The following DLGAP2 variants were observed in gnomAD, a reference collection of about 807,000 sequenced individuals.
The protein encoded by DLGAP2 is disks large-associated protein 2.
Under a neutral mutation model 100.3 loss-of-function variants are expected in DLGAP2, and 26 were observed. The observed-to-expected ratio is 0.26, with a 90% CI of 0.19 to 0.36. The LOEUF is 0.36. Ranked by LOEUF, DLGAP2 falls within the 10% of genes least tolerant of loss-of-function variation. The probability of loss-of-function intolerance (pLI) is 1.00; values close to 1 mark genes in which losing one functional copy is unlikely to be tolerated. For missense variants in DLGAP2, 1,858 were observed against 1,453.2 expected (o/e 1.28, Z -4.53); for synonymous variants, 886 against 630.1 (o/e 1.41, Z -6.08).
chr8:1,223,256 C>A (rs1386556047), intron 2 of DLGAP2, among the ~76,000 whole-genome samples: 1 of 152,172 alleles, frequency 6.6e-6, no homozygotes, highest in African/African-American at 2.4e-5. Flanking sequence ...GATCTGTGTC[C>A]TCACTGTCCA....
intron 6 of DLGAP2, among the ~76,000 whole-genome samples, chr8:1,585,397 G>T (rs1796085931): frequency 6.6e-6 from 1 of 152,174 alleles, no homozygotes; most frequent in Admixed American, 6.5e-5. Context: ...CTGGGAGGCG[G>T]AGGTTGCAGT....
chr8:1,139,211 G>A (rs1038974582), intron 2 of DLGAP2, among the ~76,000 whole-genome samples: 2 of 152,172 alleles, frequency 1.3e-5, no homozygotes, highest in African/African-American at 4.8e-5. Context: ...CAGGGCGGGG[G>A]GAGCTCCCAG....
chr8:1,635,618 C>T (rs1023785286), intron 8 of DLGAP2, among the ~76,000 whole-genome samples: 7 of 152,148 alleles, frequency 4.6e-5, no homozygotes, highest in African/African-American at 1.7e-4. Context: ...TTTTTGAAAA[C>T]ATTCCAAAGT....
chr8:750,583 A>C (rs1045821120), intron 1 of DLGAP2, among the ~76,000 whole-genome samples: 2 of 152,238 alleles, frequency 1.3e-5, no homozygotes, highest in African/African-American at 4.8e-5. Context: ...AACAGAAAAC[A>C]TGACTTTTAA....
At chr8:1,054,946 C>G (rs1008589324) in intron 2 of DLGAP2, among the ~76,000 whole-genome samples, 2 of 152,146 alleles carry the variant, frequency 1.3e-5, no homozygotes, top group African/African-American at 4.8e-5. Context: ...CAGTGGCACA[C>G]AAAAATAGTT....
At chr8:738,149 G>T (rs866208278) in intron 1 of DLGAP2, 15 of 198,722 alleles carry the variant, frequency 7.5e-5, no homozygotes, top group Middle Eastern at 1.8e-3. Context: ...CCTGCCCGGG[G>T]TGGAGGGGGC....
intron 4 of DLGAP2, among the ~76,000 whole-genome samples, chr8:1,509,790 C>T (rs1209863469): frequency 1.3e-5 from 2 of 152,162 alleles, no homozygotes; most frequent in Non-Finnish European, 2.9e-5. Context: ...CAAGGTGTGG[C>T]TCACAGCAAG....
chr8:878,243 T>C (rs992042329), intron 1 of DLGAP2, among the ~76,000 whole-genome samples: 9 of 152,132 alleles, frequency 5.9e-5, no homozygotes, highest in African/African-American at 2.2e-4. Context: ...GAATAATTAA[T>C]AGAAACAAAT....
intron 3 of DLGAP2, among the ~76,000 whole-genome samples, chr8:1,416,636 A>G (rs4347017): frequency 0.62 from 94,595 of 151,626 alleles, 29,910 homozygotes; most frequent in East Asian, 0.82. Context: ...ACATAGAAAT[A>G]TCAACATGGA....
At chr8:748,161 GGT>G (rs1820694960) in intron 1 of DLGAP2, among the ~76,000 whole-genome samples, 1 of 70,254 alleles carries the variant, frequency 1.4e-5, no homozygotes, top group Non-Finnish European at 2.8e-5. Flanking sequence ...GGGATGGGCG[GGT>G]CTGCGGTGGG....
intron 3 of DLGAP2, among the ~76,000 whole-genome samples, chr8:1,364,145 G>A (rs776597313): frequency 1.1e-4 from 17 of 152,240 alleles, no homozygotes; most frequent in East Asian, 3.9e-4. Context: ...CCCGTCTCCC[G>A]TGCCTCCTCC....
chr8:1,112,312 C>G (rs1015389047), intron 2 of DLGAP2, among the ~76,000 whole-genome samples: 1 of 127,256 alleles, frequency 7.9e-6, no homozygotes. Context: ...GTGATCTTGG[C>G]TCACTGCAAG....
chr8:821,636 G>T (rs903970808), intron 1 of DLGAP2, among the ~76,000 whole-genome samples: 1 of 152,092 alleles, frequency 6.6e-6, no homozygotes, highest in African/African-American at 2.4e-5. Flanking sequence ...ATATTCTCTG[G>T]TACTGGTTGT....
chr8:1,657,093 AT>A (rs999093495), intron 8 of DLGAP2, among the ~76,000 whole-genome samples: 8 of 150,422 alleles, frequency 5.3e-5, no homozygotes, highest in East Asian at 1.9e-4. Context: ...TGGAATAGGT[AT>A]TTTTTTTTTA....
At chr8:1,025,574 C>T (rs942573139) in intron 2 of DLGAP2, among the ~76,000 whole-genome samples, 1 of 152,200 alleles carries the variant, frequency 6.6e-6, no homozygotes, top group Non-Finnish European at 1.5e-5. Context: ...CGGAGAGCAG[C>T]TGTGTGGAAT....
chr8:1,541,529 C>T (rs774170283), intron 4 of DLGAP2, among the ~76,000 whole-genome samples: 26 of 152,120 alleles, frequency 1.7e-4, no homozygotes, highest in Non-Finnish European at 5.9e-5. Flanking sequence ...GGTATAGCCT[C>T]GGTTTAAAGC....
chr8:1,307,661 A>G (rs1360327130), intron 3 of DLGAP2, among the ~76,000 whole-genome samples: 1 of 152,188 alleles, frequency 6.6e-6, no homozygotes, highest in Non-Finnish European at 1.5e-5. Flanking sequence ...TGGGGCCTAG[A>G]CGGGTGAAAG....
chr8:1,667,450 C>G (rs576439286), intron 8 of DLGAP2, among the ~76,000 whole-genome samples: 2 of 152,134 alleles, frequency 1.3e-5, no homozygotes, highest in Non-Finnish European at 2.9e-5. Flanking sequence ...TGGCCCAGCT[C>G]AGATGCATAG....
At chr8:1,600,365 T>G (rs1459800018) in intron 6 of DLGAP2, among the ~76,000 whole-genome samples, 1 of 152,194 alleles carries the variant, frequency 6.6e-6, no homozygotes, top group Non-Finnish European at 1.5e-5. Flanking sequence ...GTTGCTCTTC[T>G]CAAGGAGTAA....
Sources: gnomAD v4.1 joint callset for allele counts (sites outside exome capture counted in the v4.1 genomes callset) on GRCh38, gnomAD v4.1.1 for gene constraint, MANE v1.5 for transcripts, NCBI Gene and HGNC (gene_info 2026-07-23, HGNC 2026-07-21) for gene names.